The following EHMT2 variants were observed in gnomAD, a reference collection of about 807,000 sequenced individuals.
EHMT2 encodes the protein euchromatic histone lysine methyltransferase 2.
In EHMT2, 59 loss-of-function variants were observed where a neutral mutation model predicts 143.3. That is an observed-to-expected ratio of 0.41 (90% CI 0.33 to 0.51). The LOEUF is 0.51. Ranked by LOEUF, EHMT2 falls within the 20% of genes least tolerant of loss-of-function variation. The pLI, the probability that EHMT2 is intolerant of heterozygous loss-of-function variation, is 0.18. For missense variants in EHMT2, 1,174 were observed against 1,645.9 expected, an observed-to-expected ratio of 0.71 and a Z score of 4.96; for synonymous variants, 604 against 651.5, an observed-to-expected ratio of 0.93 and a Z score of 1.11.
chr6:31,886,215 T>C (rs887565206), intron 18 of EHMT2: 9 of 234,520 alleles, frequency 3.8e-5, no homozygotes, highest in African/African-American at 1.1e-4. Context: ...CACTGGGTCA[T>C]GTCACAGCCA....
At position 31,883,410 on chromosome 6, in the gene EHMT2, G is replaced by A; in HGVS notation, c.2946C>T (p.Ser982=). 6.2e-7 allele frequency: 1 copy of A among 1,612,970 alleles called. No individual in the cohort carries two copies. Among genetic ancestry groups the A allele is most frequent in the South Asian group, 1.1e-5 (1 of 91,056 alleles). The stretch of plus-strand genomic sequence containing the variant: ...TGAGCTGGCCGCACAGGCAGTTGGA[G>A]CTAGAGCAGTCGTCCACACACGTGC... The change falls in exon 23 of 28, where the codon AGC becomes AGT. Residue 982 remains serine (S), a synonymous_variant. Coordinates refer to ENST00000375537, the Ensembl canonical transcript of EHMT2. This position sits in a 1 kb window ranked among gnomAD's most constrained non-coding sequence, Gnocchi z 5.6.
upstream of EHMT2, chr6:31,897,685 T>A (rs1766765461): frequency 1.2e-5 from 13 of 1,110,130 alleles, no homozygotes; most frequent in East Asian, 3.7e-5. Flanking sequence ...CATCGCCGCT[T>A]GCGCTGGGGG....
In EHMT2 at chr6:31,893,967, T is replaced by C. The variant is rs549930572; in HGVS notation, c.583-1057A>G. ...TACCATTAAATTATATACTTAAAAA[T>C]GTTTTTTATTTTATTTTTAAATTTT... On this transcript the variant is annotated intron_variant, in intron 4 of 27. Coordinates refer to ENST00000375537, the Ensembl canonical transcript of EHMT2. 5.9e-5 allele frequency among the ~76,000 whole-genome samples: 9 copies of C among 152,208 alleles called. No individual in the cohort carries two copies. The South Asian group carries it at 1.5e-3, about 25-fold the overall frequency.
Position 31,887,978 on chromosome 6 carries a change from T to C in EHMT2, c.1746-17A>G, listed in dbSNP as rs761951059. ...ATCCGGGCACTGTGGAAGAAGGAGC[T>C]CATGTCCAGGAGCAATAGGGGTGGG... is the stretch of plus-strand genomic sequence containing the variant. On this transcript the variant is annotated splice_polypyrimidine_tract_variant and intron_variant, in intron 13 of 27. Coordinates refer to ENST00000375537, the Ensembl canonical transcript of EHMT2. The C allele has an allele frequency of 2.5e-6, 4 of 1,579,520 alleles. No individual in the cohort carries two copies. Among genetic ancestry groups the C allele is most frequent in the Non-Finnish European group, 3.4e-6 (4 of 1,160,856 alleles).
rs1316283161 is a variant in EHMT2 at position 31,886,565 on chromosome 6, T to C, written c.2343+16A>G. 1.2e-6 allele frequency: 2 copies of C among 1,605,694 alleles called. No homozygotes were observed. Among genetic ancestry groups the C allele is most frequent in the Non-Finnish European group, 1.7e-6 (2 of 1,175,310 alleles). On this transcript the variant is annotated intron_variant, in intron 18 of 27. Coordinates refer to ENST00000375537, the Ensembl canonical transcript of EHMT2. Reference sequence around the variant, plus strand: ...CACCAGGGACCCAGAGGGGCTGGGCTGGGTGGGCCGCTGACCTGGGCGTTG... The same window carrying C: ...CACCAGGGACCCAGAGGGGCTGGGCCGGGTGGGCCGCTGACCTGGGCGTTG...
rs111513609 is a variant in EHMT2, at chr6:31,883,996, G to A, written c.2772-46C>T. ...GGGCTGGGAAGCTGGAAAAGGGGGTGAGGAGCTACTCCAGGTATAAGGAAG... is the reference window on the plus strand; with the variant it reads ...GGGCTGGGAAGCTGGAAAAGGGGGTAAGGAGCTACTCCAGGTATAAGGAAG... On this transcript the variant is annotated intron_variant, in intron 21 of 27. Coordinates refer to ENST00000375537, the Ensembl canonical transcript of EHMT2. The surrounding 1 kb of genome is among the most constrained non-coding windows in gnomAD (Gnocchi z 5.6). 17 of 1,602,478 alleles carry A rather than the reference G, an allele frequency of 1.1e-5. No individual in the cohort carries two copies. The African/African-American group carries it at 1.7e-4, about 16-fold the overall frequency.
At chr6:31,890,091 A>G (rs1182478250) in intron 7 of EHMT2, among the ~76,000 whole-genome samples, 1 of 152,170 alleles carries the variant, frequency 6.6e-6, no homozygotes, top group Non-Finnish European at 1.5e-5. Context: ...CCCACTGTCA[A>G]GTCTTCTTGG....
chr6:31,893,318 G>C (rs1160950795), intron 4 of EHMT2: 2 of 442,226 alleles, frequency 4.5e-6, no homozygotes, highest in South Asian at 3.4e-5. Flanking sequence ...GCCATAAAAA[G>C]GAAAGATATA....
Position 31,889,727 on chromosome 6 carries a change from G to GT in EHMT2, c.865-126dup, listed in dbSNP as rs1227101310. 1 of 1,237,564 alleles carries GT rather than the reference G, an allele frequency of 8.1e-7. No individual in the cohort carries two copies. The highest frequency in any genetic ancestry group is 1.5e-5 in the African/African-American group (1 of 65,828). The allele number at this position is 1,237,564 out of a possible 1,614,324, so 76.7% of individuals were successfully genotyped here. A position where few individuals can be genotyped will look rare whatever the true frequency, so the allele number is the denominator to read the frequency against. On this transcript the variant is annotated intron_variant, in intron 7 of 27. Transcript: ENST00000375537. The surrounding 1 kb of genome is among the most constrained non-coding windows in gnomAD (Gnocchi z 5.1). ...GGATGGCTGCTGGGGATAAGTGTGG[G>GT]TAGCAGAGGAGACAAAGGGCCACAT...
chr6:31,884,521 T>C lies in EHMT2; in HGVS notation c.2642A>G (p.Asn881Ser), dbSNP rs756469725. The stretch of plus-strand genomic sequence containing the variant: ...GTCCCATGCTGTGTCCCCCTCTTTG[T>C]TCCGCAGCTCAGGGTTGGCCCCACG... The change falls in exon 21 of 28, where the codon AAC becomes AGC. Residue 881 changes from asparagine to serine, a missense_variant. Around this residue, in one of 6 missense-constraint regions of EHMT2, gnomAD observed 608 missense variants for 903.7 expected, o/e 0.67. Transcript: ENST00000375537. The surrounding 1 kb of genome is among the most constrained non-coding windows in gnomAD (Gnocchi z 7.3). The C allele has an allele frequency of 1.9e-6, 3 of 1,612,830 alleles. No individual in the cohort carries two copies. Among genetic ancestry groups the C allele is most frequent in the Non-Finnish European group, 2.5e-6 (3 of 1,179,996 alleles).
rs367700571 is a variant in EHMT2, at chr6:31,884,609, G to T, written c.2603+36C>A. On this transcript the variant is annotated intron_variant, in intron 20 of 27. Transcript: ENST00000375537. This position sits in a 1 kb window ranked among gnomAD's most constrained non-coding sequence, Gnocchi z 7.3. ...TGCAGGGTCTGAGGCTGCAAGAAGT[G>T]GGGGCAGGGGCATCAAGGGCGGGGC... The T allele has an allele frequency of 3.1e-6, 5 of 1,604,578 alleles. No individual in the cohort carries two copies. Among genetic ancestry groups the T allele is most frequent in the Non-Finnish European group, 4.3e-6 (5 of 1,173,994 alleles).
intron 4 of EHMT2, among the ~76,000 whole-genome samples, chr6:31,894,842 G>A (rs933458172): frequency 6.6e-6 from 1 of 151,020 alleles, no homozygotes; most frequent in South Asian, 2.1e-4. Flanking sequence ...AGTTAGAGAC[G>A]GGGTTTGGAC....
In EHMT2 at chr6:31,883,773, T is replaced by C. The variant is rs774605736; in HGVS notation, c.2916+33A>G. The C allele has an allele frequency of 1.9e-6, 3 of 1,604,654 alleles. No individual in the cohort carries two copies. The highest frequency in any genetic ancestry group is 1.7e-5 in the Admixed American group (1 of 59,454). Reference sequence around the variant, plus strand: ...CAACTGTACTTGGCAGCTCTCGGTGTCCTTTTGGGGAGGCCCCGGGCCCCC... The same window carrying C: ...CAACTGTACTTGGCAGCTCTCGGTGCCCTTTTGGGGAGGCCCCGGGCCCCC... On this transcript the variant is annotated intron_variant, in intron 22 of 27. Coordinates refer to ENST00000375537, the Ensembl canonical transcript of EHMT2. This position sits in a 1 kb window ranked among gnomAD's most constrained non-coding sequence, Gnocchi z 5.6.
rs1350498789 is a variant in EHMT2 at position 31,881,160 on chromosome 6, C to G, written c.3198-68G>C. 2.9e-6 allele frequency: 4 copies of G among 1,362,582 alleles called. No individual in the cohort carries two copies. The highest frequency in any genetic ancestry group is 2.9e-5 in the African/African-American group (2 of 70,002). 84.4% of individuals were successfully genotyped at this position (1,362,582 alleles called of 1,614,324 possible). On this transcript the variant is annotated intron_variant, in intron 25 of 27. Transcript: ENST00000375537. The surrounding 1 kb of genome is among the most constrained non-coding windows in gnomAD (Gnocchi z 4.8). ...ATTAGGAGGTGGCTCCAGGCCCCAT[C>G]TCTCTTCACAAGCCTGTGGAATCTG...
exon 4 of EHMT2, chr6:31,896,418 A>T: frequency 6.2e-7 from 1 of 1,612,984 alleles, no homozygotes; most frequent in Non-Finnish European, 8.5e-7. Flanking sequence ...CTCTGGACAG[A>T]TGGAGGTGAT....
At chr6:31,894,171 A>G (rs554681859) in intron 4 of EHMT2, among the ~76,000 whole-genome samples, 90 of 150,346 alleles carry the variant, frequency 6.0e-4, no homozygotes, top group African/African-American at 2.2e-3. Context: ...TTTGAGACAG[A>G]GTTTTGCTCT....
intron 17 of EHMT2, 26 bp from the exon 18 acceptor site, chr6:31,886,708 C>G (rs576075461): frequency 6.2e-7 from 1 of 1,613,964 alleles, no homozygotes; most frequent in East Asian, 2.2e-5. Context: ...GCAAATGAGC[C>G]TTTGGGCTGG....
chr6:31,888,483 G>A lies in EHMT2; in HGVS notation c.1389C>T (p.Ile463=), dbSNP rs763232377. Reference sequence around the variant, plus strand: ...ATGGCCTCATGGTCTCCCGCTTGAGGATGGCGGCATTGCAGCCTGACAGCT... The same window carrying A: ...ATGGCCTCATGGTCTCCCGCTTGAGAATGGCGGCATTGCAGCCTGACAGCT... The change falls in exon 12 of 28, where the codon ATC becomes ATT. Residue 463 remains isoleucine (I), a synonymous_variant. Transcript: ENST00000375537. The surrounding 1 kb of genome is among the most constrained non-coding windows in gnomAD (Gnocchi z 7.4). The A allele has an allele frequency of 1.2e-6, 2 of 1,612,818 alleles. No homozygotes were observed. The highest frequency in any genetic ancestry group is 1.7e-5 in the Admixed American group (1 of 59,974).
At position 31,892,751 on chromosome 6, in the gene EHMT2, A is replaced by T; in HGVS notation, c.668-17T>A. The T allele has an allele frequency of 6.2e-7, 1 of 1,613,024 alleles. No individual in the cohort carries two copies. The highest frequency in any genetic ancestry group is 8.5e-7 in the Non-Finnish European group (1 of 1,180,000). ...TGGCCAGATCTGGAAGAAGAGAGAG[A>T]ATGGTGTGGGGCCTATCACCGAAAC... On this transcript the variant is annotated splice_polypyrimidine_tract_variant and intron_variant, in intron 5 of 27. Coordinates refer to ENST00000375537, the Ensembl canonical transcript of EHMT2.
Sources: gnomAD v4.1 joint callset for allele counts (sites outside exome capture counted in the v4.1 genomes callset) on GRCh38, gnomAD v4.1.1 for gene constraint, gnomAD v4.1.1 regional missense constraint, Gnocchi (gnomAD v3.1) non-coding constraint, MANE v1.5 for transcripts, NCBI Gene and HGNC (gene_info 2026-07-23, HGNC 2026-07-21) for gene names.